YAF2: variants seen among roughly 807,000 people sequenced by gnomAD.
YAF2 encodes the protein YY1-associated factor 2.
YAF2 carries 7 observed loss-of-function variants against 20.1 expected under a neutral mutation model. That is an observed-to-expected ratio of 0.35 (90% CI 0.20 to 0.65). The LOEUF (loss-of-function observed/expected upper bound fraction) is 0.65. Ranked by LOEUF, YAF2 falls within the 30% of genes least tolerant of loss-of-function variation. The probability of loss-of-function intolerance (pLI) is 0.69; values close to 1 mark genes in which losing one functional copy is unlikely to be tolerated. For missense variants in YAF2, 151 were observed against 219.2 expected (o/e 0.69, Z 1.96); for synonymous variants, 74 against 76.0 (o/e 0.97, Z 0.14).
intron 2 of YAF2, among the ~76,000 whole-genome samples, chr12:42,193,561 T>C (rs1470042289): frequency 6.6e-6 from 1 of 152,106 alleles, no homozygotes; most frequent in Non-Finnish European, 1.5e-5. Context: ...TAGAATCCAA[T>C]GGTGTGATCA....
chr12:42,170,031 T>A (rs906682870), intron 2 of YAF2, among the ~76,000 whole-genome samples: 2 of 151,744 alleles, frequency 1.3e-5, no homozygotes, highest in Non-Finnish European at 2.9e-5. Flanking sequence ...TCACCACACC[T>A]GGGTAATTTT....
rs2065754524 is a variant in YAF2 at position 42,159,230 on chromosome 12, TATC to T, written c.*1356_*1358del. On this transcript the variant is annotated 3_prime_UTR_variant, in exon 4 of 4. Transcript: ENST00000534854. ...ACAGTTTTATTTTTTCTTCAAATGTTATCATGATGTCTTATGTGATATTTTGCA... is the reference window on the plus strand; with the variant it reads ...ACAGTTTTATTTTTTCTTCAAATGTTATGATGTCTTATGTGATATTTTGCA... 6.6e-6 allele frequency: 1 copy of T among 152,150 alleles called. No individual in the cohort carries two copies. The highest frequency in any genetic ancestry group is 6.6e-5 in the Admixed American group (1 of 15,266). 9.4% of individuals were successfully genotyped at this position (152,150 alleles called of 1,614,324 possible). A position where few individuals can be genotyped will look rare whatever the true frequency, so the allele number is the denominator to read the frequency against.
At chr12:42,167,776 C>T (rs989952513) in intron 2 of YAF2, among the ~76,000 whole-genome samples, 5 of 152,082 alleles carry the variant, frequency 3.3e-5, no homozygotes, top group Admixed American at 6.5e-5. Context: ...GAGGCCAACG[C>T]GGGCAGACTG....
intron 2 of YAF2, chr12:42,212,502 G>A (rs1353283691): frequency 4.6e-6 from 2 of 434,910 alleles, no homozygotes; most frequent in African/African-American, 4.1e-5. Context: ...AACAAAGAAA[G>A]TGTATAGTTT....
chr12:42,201,049 A>C (rs762523652), intron 2 of YAF2, among the ~76,000 whole-genome samples: 10 of 152,244 alleles, frequency 6.6e-5, no homozygotes, highest in Non-Finnish European at 1.5e-4. Context: ...GAGTTTCTTA[A>C]GTTGAAATAA....
chr12:42,227,258 C>T (rs1253566592), intron 2 of YAF2, among the ~76,000 whole-genome samples: 1 of 118,952 alleles, frequency 8.4e-6, no homozygotes, highest in African/African-American at 3.8e-5. Flanking sequence ...GCCCGGCCGC[C>T]ACCCCGTCTG....
rs576491584 is a variant in YAF2, at chr12:42,169,829, G to GAT, written c.153-8066_153-8065dup. Among the ~76,000 whole-genome samples, 540 of 152,088 alleles carry GAT rather than the reference G, an allele frequency of 3.6e-3. 5 individuals carry two copies. The highest frequency in any genetic ancestry group is 0.013 in the African/African-American group (524 of 41,502). On this transcript the variant is annotated intron_variant, in intron 2 of 3. Transcript: ENST00000534854. ...AATTTTAGGAAGTAGCAGGGTTAGA[G>GAT]ATATATAGTAGAAGAGTTTCCTTCC... is the stretch of plus-strand genomic sequence containing the variant.
chr12:42,160,827 C>A lies in YAF2; in HGVS notation c.306-1G>T. The A allele has an allele frequency of 1.3e-6, 2 of 1,590,738 alleles. No homozygotes were observed. Among genetic ancestry groups the A allele is most frequent in the Non-Finnish European group, 1.7e-6 (2 of 1,170,086 alleles). On this transcript the variant is annotated splice_acceptor_variant, in intron 3 of 3. Transcript: ENST00000534854. LOFTEE classifies it high-confidence loss of function. ...CCGATCCACATTTTTCAATCTTGGC[C>A]TAAACATAAAAAAATGAAATTTTAA...
intron 2 of YAF2, among the ~76,000 whole-genome samples, chr12:42,206,395 G>T (rs1279224333): frequency 6.6e-6 from 1 of 151,640 alleles, no homozygotes; most frequent in African/African-American, 2.4e-5. Context: ...GATCACCTGA[G>T]GTCAGGAGTT....
intron 2 of YAF2, among the ~76,000 whole-genome samples, chr12:42,229,986 T>A (rs185720171): frequency 2.0e-5 from 3 of 152,282 alleles, no homozygotes; most frequent in Admixed American, 6.5e-5. Flanking sequence ...AAGTACCATA[T>A]GGTGGCTTAC....
rs1371947269 is a variant in YAF2 at position 42,159,698 on chromosome 12, G to A, written c.*891C>T. 6.6e-6 allele frequency: 1 copy of A among 152,256 alleles called. No individual in the cohort carries two copies. Among genetic ancestry groups the A allele is most frequent in the Admixed American group, 6.6e-5 (1 of 15,248 alleles). The allele number at this position is 152,256 out of a possible 1,614,324, so 9.4% of individuals were successfully genotyped here. On this transcript the variant is annotated 3_prime_UTR_variant, in exon 4 of 4. Coordinates refer to ENST00000534854, the MANE Select transcript of YAF2 (RefSeq NM_005748.6). The stretch of plus-strand genomic sequence containing the variant: ...CTTCTATGGCCCTGGATAAGTTTGG[G>A]ACAAGAAAACAATGATAAAACTATC...
intron 2 of YAF2, chr12:42,233,918 C>G (rs2068055476): frequency 1.0e-6 from 1 of 985,294 alleles, no homozygotes; most frequent in Non-Finnish European, 1.2e-6. Flanking sequence ...CTCCTGTAAT[C>G]CCAGCACTTT....
intron 2 of YAF2, among the ~76,000 whole-genome samples, chr12:42,192,173 G>T (rs2066630314): frequency 6.6e-6 from 1 of 152,116 alleles, no homozygotes; most frequent in Non-Finnish European, 1.5e-5. Flanking sequence ...TTGAGAGATA[G>T]GCAGACCAGG....
At chr12:42,232,295 G>T in intron 2 of YAF2, 1 of 544,442 alleles carries the variant, frequency 1.8e-6, no homozygotes, top group South Asian at 8.1e-5. Context: ...CACCATCACA[G>T]TGAAAAAGGC....
chr12:42,225,595 T>C (rs1418260383), intron 2 of YAF2, among the ~76,000 whole-genome samples: 1 of 152,248 alleles, frequency 6.6e-6, no homozygotes, highest in East Asian at 1.9e-4. Context: ...TTTCTGCATA[T>C]GGCTAGCCAG....
chr12:42,237,482 C>T, intron 2 of YAF2, 117 bp downstream of exon 2: 2 of 1,361,576 alleles, frequency 1.5e-6, no homozygotes, highest in Non-Finnish European at 1.9e-6. Context: ...ACAGCCACCT[C>T]CGTCTGCCTC....
chr12:42,228,653 A>G (rs1441797339), intron 2 of YAF2, among the ~76,000 whole-genome samples: 2 of 41,666 alleles, frequency 4.8e-5, no homozygotes, highest in African/African-American at 1.1e-4. Flanking sequence ...TCCGGGAGGG[A>G]GGTGGGGGGG....
chr12:42,193,121 C>T (rs2066657829), intron 2 of YAF2, among the ~76,000 whole-genome samples: 1 of 152,074 alleles, frequency 6.6e-6, no homozygotes, highest in Admixed American at 6.5e-5. Flanking sequence ...TTGAGACCAG[C>T]CTGGCCAACA....
intron 2 of YAF2, among the ~76,000 whole-genome samples, chr12:42,209,803 T>A (rs1447383293): frequency 6.6e-6 from 1 of 152,134 alleles, no homozygotes; most frequent in Non-Finnish European, 1.5e-5. Flanking sequence ...AAATGCATAA[T>A]TTTTTGTTTT....
Sources: gnomAD v4.1 joint callset for allele counts (sites outside exome capture counted in the v4.1 genomes callset) on GRCh38, gnomAD v4.1.1 for gene constraint, MANE v1.5 for transcripts, NCBI Gene and HGNC (gene_info 2026-07-23, HGNC 2026-07-21) for gene names.